The following SLC24A2 variants were observed in gnomAD, a reference collection of about 807,000 sequenced individuals.
SLC24A2 encodes the protein solute carrier family 24 member 2.
In SLC24A2, 36 loss-of-function variants were observed where a neutral mutation model predicts 62.0. That is an observed-to-expected ratio of 0.58 (90% CI 0.44 to 0.77). SLC24A2 has a LOEUF of 0.77. Among genes scored for constraint, SLC24A2 ranks in the 30% least tolerant of loss-of-function variants. The probability of loss-of-function intolerance (pLI) is 0.00; values close to 1 mark genes in which losing one functional copy is unlikely to be tolerated. For synonymous variants in SLC24A2, 358 were observed against 294.0 expected, an observed-to-expected ratio of 1.22 and a Z score of -2.23; for missense variants, 846 against 817.9, an observed-to-expected ratio of 1.03 and a Z score of -0.42.
At chr9:20,099,563 T>TA in the SLC24A2 span, among the ~76,000 whole-genome samples, 19 of 152,276 alleles carry the variant, frequency 1.2e-4, no homozygotes, top group South Asian at 3.9e-3. Flanking sequence ...TCCAGGAGGA[T>TA]AAAAGGAAGA....
the SLC24A2 span, among the ~76,000 whole-genome samples, chr9:19,795,929 A>C: frequency 1.1e-5 from 1 of 89,846 alleles, no homozygotes; most frequent in African/African-American, 2.7e-5. Context: ...ACCATGGAAT[A>C]ATATACAGCC....
chr9:19,951,496 A>G, the SLC24A2 span, among the ~76,000 whole-genome samples: 1 of 151,828 alleles, frequency 6.6e-6, no homozygotes, highest in Non-Finnish European at 1.5e-5. Context: ...TTTAGTTCTT[A>G]TATTTAGGTC....
intron 2 of SLC24A2, among the ~76,000 whole-genome samples, chr9:19,680,851 T>TGTG (rs1819700176): frequency 6.8e-6 from 1 of 146,970 alleles, no homozygotes; most frequent in African/African-American, 2.5e-5. Flanking sequence ...TATACCAGAG[T>TGTG]TGTGTGTGTG....
intron 10 of SLC24A2, 69 bp downstream of exon 10, chr9:19,520,825 T>C (rs1833164261): frequency 6.7e-7 from 1 of 1,489,522 alleles, no homozygotes; most frequent in Non-Finnish European, 9.4e-7. Flanking sequence ...GTCATGTCTT[T>C]CCAGCTTCTA....
At chr9:19,839,811 T>A in the SLC24A2 span, among the ~76,000 whole-genome samples, 2 of 152,172 alleles carry the variant, frequency 1.3e-5, no homozygotes, top group Non-Finnish European at 2.9e-5. Context: ...CATAAGATTA[T>A]AATGGAGCTG....
intron 5 of SLC24A2, among the ~76,000 whole-genome samples, chr9:19,591,471 A>T (rs1836551112): frequency 6.6e-6 from 1 of 152,224 alleles, no homozygotes. Context: ...CAGTTTAACA[A>T]ACTACATTTC....
At chr9:20,094,452 G>A in the SLC24A2 span, among the ~76,000 whole-genome samples, 2 of 152,166 alleles carry the variant, frequency 1.3e-5, no homozygotes, top group African/African-American at 4.8e-5. Flanking sequence ...GCTCCCATGT[G>A]AAAAACAGAA....
chr9:20,000,403 G>C, the SLC24A2 span, among the ~76,000 whole-genome samples: 1 of 152,134 alleles, frequency 6.6e-6, no homozygotes, highest in Non-Finnish European at 1.5e-5. Context: ...AATCATCAGA[G>C]GGTGAAAACA....
the SLC24A2 span, among the ~76,000 whole-genome samples, chr9:20,114,071 C>G: frequency 6.6e-6 from 1 of 152,082 alleles, no homozygotes; most frequent in Non-Finnish European, 1.5e-5. Context: ...TTTGAAGAGA[C>G]AGGCTTGGGA....
the SLC24A2 span, among the ~76,000 whole-genome samples, chr9:19,841,820 G>A: frequency 1.3e-5 from 2 of 152,136 alleles, no homozygotes; most frequent in Non-Finnish European, 2.9e-5. Context: ...TAATAATCAG[G>A]GGGGCATAAT....
At chr9:20,190,240 G>T in the SLC24A2 span, among the ~76,000 whole-genome samples, 2 of 152,124 alleles carry the variant, frequency 1.3e-5, no homozygotes, top group Non-Finnish European at 2.9e-5. Context: ...ATGCTTGGAA[G>T]GGACTATGCC....
At chr9:19,681,046 T>A (rs1409105071) in intron 2 of SLC24A2, among the ~76,000 whole-genome samples, 1 of 152,024 alleles carries the variant, frequency 6.6e-6, no homozygotes, top group African/African-American at 2.4e-5. Flanking sequence ...CAAAATGTTG[T>A]CAGAATATAT....
At chr9:20,090,454 G>A in the SLC24A2 span, among the ~76,000 whole-genome samples, 7 of 152,266 alleles carry the variant, frequency 4.6e-5, no homozygotes, top group African/African-American at 1.7e-4. Context: ...CATTGAGAGG[G>A]AGCACGATTG....
At chr9:19,698,520 T>G (rs1587172734) in intron 2 of SLC24A2, among the ~76,000 whole-genome samples, 1 of 152,304 alleles carries the variant, frequency 6.6e-6, no homozygotes, top group South Asian at 2.1e-4. Context: ...CAAGAAGAAC[T>G]CTAAAATTAG....
chr9:19,788,365 C>A (rs1174943596), intron 1 of SLC24A2, among the ~76,000 whole-genome samples: 1 of 152,224 alleles, frequency 6.6e-6, no homozygotes, highest in East Asian at 1.9e-4. Flanking sequence ...GCAAAGTCAT[C>A]TCCAGCCCGA....
In SLC24A2 at chr9:19,515,833, G is replaced by GAT. The variant is rs1022879648; in HGVS notation, c.*318_*319dup. On this transcript the variant is annotated 3_prime_UTR_variant, in exon 11 of 11. Transcript: ENST00000341998. Reference sequence around the variant, plus strand: ...TATATTTATAATATGTGTATTTATAGATATATATAGCCTGTGTCCTTGTTT... The same window carrying GAT: ...TATATTTATAATATGTGTATTTATAGATATATATATAGCCTGTGTCCTTGTTT... 7.3e-5 allele frequency: 27 copies of GAT among 372,342 alleles called. No individual in the cohort carries two copies. Among genetic ancestry groups the GAT allele is most frequent in the Non-Finnish European group, 1.3e-4 (25 of 193,562 alleles). The allele number at this position is 372,342 out of a possible 1,614,324, so 23.1% of individuals were successfully genotyped here. A position where few individuals can be genotyped will look rare whatever the true frequency, so the allele number is the denominator to read the frequency against.
the SLC24A2 span, among the ~76,000 whole-genome samples, chr9:20,216,030 C>T: frequency 3.9e-5 from 6 of 152,178 alleles, no homozygotes; most frequent in Non-Finnish European, 8.8e-5. Context: ...TTACTTACAG[C>T]AGGGGAAACC....
At chr9:20,164,800 A>G in the SLC24A2 span, among the ~76,000 whole-genome samples, 55 of 151,634 alleles carry the variant, frequency 3.6e-4, no homozygotes, top group Non-Finnish European at 6.5e-4. Flanking sequence ...AATACTATGC[A>G]GCCATAAAAA....
At chr9:19,831,845 C>T in the SLC24A2 span, among the ~76,000 whole-genome samples, 1 of 152,122 alleles carries the variant, frequency 6.6e-6, no homozygotes, top group Admixed American at 6.5e-5. Flanking sequence ...AATTGCATTT[C>T]CTTGCTAAAC....
Sources: gnomAD v4.1 joint callset for allele counts (sites outside exome capture counted in the v4.1 genomes callset) on GRCh38, gnomAD v4.1.1 for gene constraint, MANE v1.5 for transcripts, NCBI Gene and HGNC (gene_info 2026-07-23, HGNC 2026-07-21) for gene names.